CASK: variants seen among roughly 807,000 people sequenced by gnomAD.
The protein encoded by CASK is calcium/calmodulin dependent serine protein kinase, also known as peripheral plasma membrane protein CASK.
A neutral mutation model predicts 82.9 loss-of-function variants in CASK; 4 were observed. That is an observed-to-expected ratio of 0.05 (90% CI 0.02 to 0.11). The LOEUF (loss-of-function observed/expected upper bound fraction) is 0.11, where lower values mean the gene tolerates loss of function less well. Among genes scored for constraint, CASK ranks in the 10% least tolerant of loss-of-function variants. The pLI is 1.00. For missense variants in CASK, 358 were observed against 720.9 expected (o/e 0.50, Z 5.76); for synonymous variants, 259 against 253.5 (o/e 1.02, Z -0.20).
rs747976000 is a variant in CASK at position 41,776,506 on chromosome X, T to C, written c.278+10672A>G. Among the ~76,000 whole-genome samples the C allele has an allele frequency of 2.7e-5, 3 of 112,265 alleles. No individual in the cohort carries two copies. The East Asian group carries it at 8.4e-4, about 31-fold the overall frequency. On this transcript the variant is annotated intron_variant, in intron 3 of 26. Coordinates refer to ENST00000378163, the MANE Select transcript of CASK (RefSeq NM_001367721.1). ...AAAGGCAAGAAAAGATGTAAAAAAG[T>C]TGGAAAGGGCAAATCAAATCCTCCT...
At chrX:41,584,127 G>C (rs1470143926) in intron 14 of CASK, 1 of 112,504 alleles carries the variant, frequency 8.9e-6, no homozygotes, top group Non-Finnish European at 1.9e-5. Context: ...AAACGGGCAG[G>C]TTCCTAATCT....
intron 22 of CASK, among the ~76,000 whole-genome samples, chrX:41,540,798 A>G (rs2064937548): frequency 8.9e-6 from 1 of 112,390 alleles, no homozygotes; most frequent in Middle Eastern, 4.2e-3. Context: ...AAATTCTTAA[A>G]TTAATGATTA....
chrX:41,804,073 C>T (rs5964052), intron 2 of CASK, among the ~76,000 whole-genome samples: 1,312 of 111,551 alleles, frequency 0.012, 21 homozygotes, highest in African/African-American at 0.04. Context: ...ATTGGCCAGG[C>T]GCGGTGACTC....
intron 5 of CASK, among the ~76,000 whole-genome samples, chrX:41,701,620 A>G (rs893151956): frequency 1.8e-5 from 2 of 112,378 alleles, no homozygotes; most frequent in Non-Finnish European, 3.8e-5. Flanking sequence ...AGTGGCTGCC[A>G]TAGTGCCTCA....
In CASK at chrX:41,886,884, A is replaced by G. The variant is rs186756594; in HGVS notation, c.60-33657T>C. Among the ~76,000 whole-genome samples, 7 of 111,450 alleles carry G rather than the reference A, an allele frequency of 6.3e-5. No homozygotes were observed. The East Asian group carries it at 2.0e-3, about 31-fold the overall frequency. On this transcript the variant is annotated intron_variant, in intron 1 of 26. Transcript: ENST00000378163. ...GTTATCTTTGACACCAGGCATATAT[A>G]CCCACAATCAGGAGACATATGTTAG...
Position 41,524,044 on chromosome X carries a change from G to GAAAA in CASK, c.2521-14_2521-11dup. On this transcript the variant is annotated splice_polypyrimidine_tract_variant and intron_variant, in intron 25 of 26. Transcript: ENST00000378163. ...TCAGGACCTTCAGTGCCTGTGTTAA[G>GAAAA]AAAAAAAAAAAAAATCCCGACTTAA... is the stretch of plus-strand genomic sequence containing the variant. 15 of 903,983 alleles carry GAAAA rather than the reference G, an allele frequency of 1.7e-5. No individual in the cohort carries two copies. The highest frequency in any genetic ancestry group is 2.4e-5 in the South Asian group (1 of 41,255). The allele number at this position is 903,983 out of a possible 1,213,427, so 74.5% of individuals were successfully genotyped here. A position where few individuals can be genotyped will look rare whatever the true frequency, so the allele number is the denominator to read the frequency against.
Position 41,737,567 on chromosome X carries a change from G to C in CASK, c.429+1817C>G, listed in dbSNP as rs147962118. On this transcript the variant is annotated intron_variant, in intron 5 of 26. Transcript: ENST00000378163. Reference sequence around the variant, plus strand: ...AATCAGAAGGTAAATTAAAAGGTGAGGTCAAATTATCTACTTTTGGATATT... The same window carrying C: ...AATCAGAAGGTAAATTAAAAGGTGACGTCAAATTATCTACTTTTGGATATT... Among the ~76,000 whole-genome samples the C allele has an allele frequency of 3.6e-5, 4 of 111,800 alleles. No individual in the cohort carries two copies. The East Asian group carries it at 1.1e-3, about 31-fold the overall frequency.
intron 5 of CASK, among the ~76,000 whole-genome samples, chrX:41,734,811 GAT>G (rs983596303): frequency 9.0e-6 from 1 of 111,464 alleles, no homozygotes; most frequent in Non-Finnish European, 1.9e-5. Context: ...AATATAGCCT[GAT>G]ATGTCACTAA....
chrX:41,685,241 A>C (rs1230922421), intron 5 of CASK, among the ~76,000 whole-genome samples: 1 of 111,994 alleles, frequency 8.9e-6, no homozygotes, highest in East Asian at 2.8e-4. Context: ...AAACATGTAC[A>C]TAGGTTCTAA....
intron 8 of CASK, among the ~76,000 whole-genome samples, chrX:41,651,882 C>G (rs1054933669): frequency 3.6e-5 from 4 of 111,355 alleles, no homozygotes. Flanking sequence ...TAGACTTATG[C>G]AGCTTATATT....
intron 16 of CASK, among the ~76,000 whole-genome samples, chrX:41,564,360 T>TA (rs1555982418): frequency 8.9e-6 from 1 of 112,029 alleles, no homozygotes; most frequent in Middle Eastern, 4.2e-3. Context: ...GGTTCCTTTT[T>TA]AAAAAAACAT....
At chrX:41,802,181 T>A (rs1254191973) in intron 2 of CASK, among the ~76,000 whole-genome samples, 1 of 111,555 alleles carries the variant, frequency 9.0e-6, no homozygotes, top group African/African-American at 3.3e-5. Flanking sequence ...TTCAAAAATA[T>A]ACTACTTTGA....
chrX:41,643,525 CTT>C (rs971422458), intron 8 of CASK, among the ~76,000 whole-genome samples: 5 of 111,518 alleles, frequency 4.5e-5, no homozygotes, highest in Non-Finnish European at 9.4e-5. Context: ...ATTTTATTCT[CTT>C]TGAAGCAATT....
At chrX:41,598,035 G>A (rs1181166824) in intron 12 of CASK, among the ~76,000 whole-genome samples, 2 of 109,366 alleles carry the variant, frequency 1.8e-5, no homozygotes, top group Non-Finnish European at 3.8e-5. Flanking sequence ...GCTACTTGAA[G>A]GGCTGAGGTG....
At chrX:41,596,800 T>C (rs12010861) in intron 12 of CASK, among the ~76,000 whole-genome samples, 2,809 of 112,188 alleles carry the variant, frequency 0.025, 97 homozygotes, top group African/African-American at 0.086. Flanking sequence ...AAATCTCTGG[T>C]ACTGAGTCAG....
chrX:41,803,522 G>A (rs182740750), intron 2 of CASK, among the ~76,000 whole-genome samples: 1 of 111,444 alleles, frequency 9.0e-6, no homozygotes, highest in East Asian at 2.8e-4. Flanking sequence ...AACCCAGGAG[G>A]TGGAGGCTGC....
intron 11 of CASK, among the ~76,000 whole-genome samples, chrX:41,616,497 A>G (rs5964022): frequency 0.027 from 3,009 of 112,112 alleles, 108 homozygotes; most frequent in African/African-American, 0.092. Context: ...AGGCTATGCT[A>G]GGAAACATAC....
intron 5 of CASK, among the ~76,000 whole-genome samples, chrX:41,731,024 A>G (rs2068387598): frequency 8.9e-6 from 1 of 112,470 alleles, no homozygotes. Flanking sequence ...TTATTCTTAC[A>G]TGAGTTTTGA....
chrX:41,726,706 T>C (rs2068266718), intron 5 of CASK: 1 of 151,634 alleles, frequency 6.6e-6, no homozygotes. Context: ...CTAAGAACTA[T>C]ACATTTCTCT....
Sources: gnomAD v4.1 joint callset for allele counts (sites outside exome capture counted in the v4.1 genomes callset) on GRCh38, gnomAD v4.1.1 for gene constraint, MANE v1.5 for transcripts, NCBI Gene and HGNC (gene_info 2026-07-23, HGNC 2026-07-21) for gene names.